The following TBCEL variants were observed in gnomAD, a reference collection of about 807,000 sequenced individuals.
The protein encoded by TBCEL is tubulin folding cofactor E like, also known as tubulin-specific chaperone cofactor E-like protein.
Under a neutral mutation model 44.2 loss-of-function variants are expected in TBCEL, and 15 were observed. The ratio of observed to expected loss-of-function variants is 0.34; its 90% confidence interval spans 0.23 to 0.52. The LOEUF is 0.52. Among genes scored for constraint, TBCEL ranks in the 20% least tolerant of loss-of-function variants. TBCEL has a pLI of 0.95. For synonymous variants in TBCEL, 171 were observed against 185.4 expected (o/e 0.92, Z 0.63); for missense variants, 319 against 506.3 (o/e 0.63, Z 3.55).
At chr11:121,081,486 A>G (rs1387241444) in intron 8 of TBCEL, among the ~76,000 whole-genome samples, 1 of 152,232 alleles carries the variant, frequency 6.6e-6, no homozygotes, top group African/African-American at 2.4e-5. Flanking sequence ...TTGGTAGAAT[A>G]TAAATCAAAA....
At chr11:121,058,648 G>C (rs1376682250) in intron 7 of TBCEL, among the ~76,000 whole-genome samples, 177 bp downstream of exon 7, 2 of 151,890 alleles carry the variant, frequency 1.3e-5, no homozygotes, top group Admixed American at 6.6e-5. Flanking sequence ...CGAGCACTAT[G>C]ATGAGGAAAA....
In TBCEL at chr11:121,045,771, C is replaced by T. The variant is rs773423755; in HGVS notation, c.81C>T (p.Gly27=). 4 of 1,611,352 alleles carry T rather than the reference C, an allele frequency of 2.5e-6. No individual in the cohort carries two copies. Among genetic ancestry groups the T allele is most frequent in the Admixed American group, 1.7e-5 (1 of 59,352 alleles). The part of the protein sequence containing the change: ...YSPENFPYRR[G]PGMGVHVPAT... Reference sequence around the variant, plus strand: ...CTGAAAATTTTCCTTATCGCCGTGGCCCGGGGATGGGAGTCCATGTCCCAG... The same window carrying T: ...CTGAAAATTTTCCTTATCGCCGTGGTCCGGGGATGGGAGTCCATGTCCCAG... The change falls in exon 3 of 9, where the codon GGC becomes GGT. Residue 27 remains glycine, a synonymous_variant. Transcript: ENST00000683345.
In TBCEL at chr11:121,055,243, A is replaced by C. The variant is rs370713023; in HGVS notation, c.647A>C (p.Glu216Ala). Residue 216 changes from glutamate to alanine, a missense_variant, in exon 6 of 9, where the codon GAG (glutamate) becomes GCG (alanine). Glu to Ala is a moderately radical substitution (Grantham distance 107). Coordinates refer to ENST00000683345, the MANE Select transcript of TBCEL (RefSeq NM_001363644.2). The stretch of plus-strand genomic sequence containing the variant: ...GCCAACAATCATTTGAATGCTATTG[A>C]GGAGCCTGATGATTCATTGGCCAGG... ...VLANNHLNAI[E>A]EPDDSLARLF... 103 of 1,611,996 alleles carry C rather than the reference A, an allele frequency of 6.4e-5. No individual in the cohort carries two copies. The highest frequency in any genetic ancestry group is 7.5e-5 in the Non-Finnish European group (88 of 1,178,924).
At chr11:121,049,829 A>G (rs1377695900) in intron 4 of TBCEL, among the ~76,000 whole-genome samples, 1 of 151,812 alleles carries the variant, frequency 6.6e-6, no homozygotes, top group Non-Finnish European at 1.5e-5. Context: ...TACAGTGTGT[A>G]CACTAAGTAA....
chr11:121,033,021 C>G (rs1833181348), intron 1 of TBCEL, among the ~76,000 whole-genome samples: 1 of 152,148 alleles, frequency 6.6e-6, no homozygotes, highest in Non-Finnish European at 1.5e-5. Flanking sequence ...TTAGCACTTT[C>G]CCCTCTCTGT....
chr11:121,047,410 G>T, intron 3 of TBCEL, 118 bp from the exon 4 acceptor site: 1 of 1,232,002 alleles, frequency 8.1e-7, no homozygotes. Context: ...GTATTTTCTA[G>T]ATCCTTATGT....
chr11:121,064,744 T>C (rs1452043834), intron 8 of TBCEL, among the ~76,000 whole-genome samples: 7 of 152,204 alleles, frequency 4.6e-5, no homozygotes, highest in Non-Finnish European at 8.8e-5. Context: ...TGGGTCCTTT[T>C]AGGATTTGTA....
intron 8 of TBCEL, among the ~76,000 whole-genome samples, chr11:121,064,173 A>G (rs973056750): frequency 6.6e-6 from 1 of 152,228 alleles, no homozygotes; most frequent in Non-Finnish European, 1.5e-5. Context: ...ATATGAAATA[A>G]GAGTTTTGCA....
chr11:121,077,305 T>C (rs1477734735), intron 8 of TBCEL, among the ~76,000 whole-genome samples: 2 of 152,106 alleles, frequency 1.3e-5, no homozygotes, highest in African/African-American at 4.8e-5. Flanking sequence ...TTAAATTTAT[T>C]TAATGGACAT....
At chr11:121,048,238 A>G (rs1340206136) in intron 4 of TBCEL, among the ~76,000 whole-genome samples, 6 of 151,868 alleles carry the variant, frequency 4.0e-5, no homozygotes, top group Non-Finnish European at 8.8e-5. Context: ...CTGAGAATAT[A>G]TATAAATATA....
At chr11:121,083,389 T>G (rs1252847190) in intron 8 of TBCEL, among the ~76,000 whole-genome samples, 1 of 152,154 alleles carries the variant, frequency 6.6e-6, no homozygotes, top group Non-Finnish European at 1.5e-5. Context: ...GCTAGGATAA[T>G]TAGATAGTTT....
intron 2 of TBCEL, among the ~76,000 whole-genome samples, chr11:121,038,097 C>T (rs1024463268): frequency 6.6e-6 from 1 of 151,780 alleles, no homozygotes. Flanking sequence ...GTAGCTGGGA[C>T]TACAGGCACG....
At position 121,060,017 on chromosome 11, in the gene TBCEL, A is replaced by G; in HGVS notation, c.888A>G (p.Glu296=). 6.2e-7 allele frequency: 1 copy of G among 1,611,622 alleles called. No homozygotes were observed. Among genetic ancestry groups the G allele is most frequent in the South Asian group, 1.1e-5 (1 of 90,906 alleles). ...KLNGSVVTDG[E]REDSERFFIR... ...ATGGCAGCGTTGTTACTGATGGTGA[A>G]CGAGAAGATTCTGAGAGATTTTTTA... The change falls in exon 8 of 9, where the codon GAA becomes GAG. Residue 296 remains glutamate (E), a synonymous_variant. Coordinates refer to ENST00000683345, the MANE Select transcript of TBCEL (RefSeq NM_001363644.2).
At chr11:121,045,528 GTA>G (rs1271802608) in intron 2 of TBCEL, 144 bp from the exon 3 acceptor site, 1 of 578,996 alleles carries the variant, frequency 1.7e-6, no homozygotes. Context: ...TGTCACCACA[GTA>G]TATGTTTCTG....
intron 6 of TBCEL, among the ~76,000 whole-genome samples, chr11:121,057,007 CAA>C (rs961155362): frequency 9.9e-5 from 15 of 151,830 alleles, no homozygotes; most frequent in African/African-American, 3.6e-4. Flanking sequence ...CTCTAACCTA[CAA>C]CTGAAGAAAC....
At chr11:121,056,886 T>C (rs892160386) in intron 6 of TBCEL, among the ~76,000 whole-genome samples, 1 of 151,870 alleles carries the variant, frequency 6.6e-6, no homozygotes, top group Non-Finnish European at 1.5e-5. Context: ...AACAGTTCTT[T>C]ATGAGATATG....
intron 1 of TBCEL, among the ~76,000 whole-genome samples, chr11:121,030,898 C>G (rs1945131236): frequency 6.7e-6 from 1 of 149,908 alleles, no homozygotes; most frequent in African/African-American, 2.5e-5. Flanking sequence ...ACCCATTCAG[C>G]ATTGTTTTAT....
chr11:121,031,060 C>A (rs1353496742), intron 1 of TBCEL, among the ~76,000 whole-genome samples: 1 of 152,078 alleles, frequency 6.6e-6, no homozygotes, highest in Non-Finnish European at 1.5e-5. Context: ...ATTGCCTGTT[C>A]TTAGATATAA....
Position 121,049,633 on chromosome 11 carries a change from C to T in TBCEL, c.273+1966C>T, listed in dbSNP as rs923407764. On this transcript the variant is annotated intron_variant, in intron 4 of 8. Transcript: ENST00000683345. Reference sequence around the variant, plus strand: ...AAATTACAGATTGTGCCTTCTTGGTCCTCTGCAACATTTAACTGCCATGCA... The same window carrying T: ...AAATTACAGATTGTGCCTTCTTGGTTCTCTGCAACATTTAACTGCCATGCA... 2.6e-5 allele frequency among the ~76,000 whole-genome samples: 4 copies of T among 151,758 alleles called. No individual in the cohort carries two copies. In the East Asian group the frequency reaches 7.7e-4, roughly 29 times the overall value.
Sources: allele counts gnomAD v4.1 joint callset (sites outside exome capture counted in the v4.1 genomes callset), GRCh38; gene constraint gnomAD v4.1.1; transcripts MANE v1.5; gene names NCBI Gene and HGNC (gene_info 2026-07-23, HGNC 2026-07-21).